The following EPB41L3 variants were observed in gnomAD, a reference collection of about 807,000 sequenced individuals.
EPB41L3 encodes the protein band 4.1-like protein 3.
A neutral mutation model predicts 127.1 loss-of-function variants in EPB41L3; 57 were observed. The ratio of observed to expected loss-of-function variants is 0.45; its 90% CI spans 0.36 to 0.56. EPB41L3 has a LOEUF of 0.56. Among genes scored for constraint, EPB41L3 ranks in the 20% least tolerant of loss-of-function variants. The pLI is 0.00. For synonymous variants in EPB41L3, 572 were observed against 549.5 expected (o/e 1.04, Z -0.57); for missense variants, 1,273 against 1,372.2 (o/e 0.93, Z 1.14).
At chr18:5,575,325 G>A (rs1035084681) in intron 3 of EPB41L3, among the ~76,000 whole-genome samples, 2 of 152,098 alleles carry the variant, frequency 1.3e-5, no homozygotes, top group African/African-American at 4.8e-5. Context: ...CCTAGTGGGA[G>A]GTGTTGGGGT....
chr18:5,572,763 C>A (rs1719986), intron 3 of EPB41L3, among the ~76,000 whole-genome samples: 6 of 152,094 alleles, frequency 3.9e-5, no homozygotes, highest in Admixed American at 2.0e-4. Context: ...TTGTAAAGAC[C>A]GGGTCTTGCT....
intron 16 of EPB41L3, 67 bp from the exon 17 acceptor site, chr18:5,398,210 C>G (rs2073910988): frequency 6.3e-7 from 1 of 1,587,498 alleles, no homozygotes; most frequent in Non-Finnish European, 8.6e-7. Flanking sequence ...CATAAACATT[C>G]ACAGCTTGTT....
At chr18:5,630,070 C>A (rs552869189), upstream of EPB41L3, among the ~76,000 whole-genome samples, 1 of 152,322 alleles carries the variant, frequency 6.6e-6, no homozygotes, top group East Asian at 1.9e-4. Flanking sequence ...CGCCCGGCTT[C>A]CGCGGCAGCT....
chr18:5,540,859 T>G (rs928492430), intron 1 of EPB41L3, among the ~76,000 whole-genome samples: 1 of 151,516 alleles, frequency 6.6e-6, no homozygotes, highest in Non-Finnish European at 1.5e-5. Context: ...CCGAGACGGG[T>G]GGATCACGAG....
intron 3 of EPB41L3, among the ~76,000 whole-genome samples, chr18:5,595,625 T>C (rs773964164): frequency 3.3e-5 from 5 of 152,076 alleles, no homozygotes; most frequent in Non-Finnish European, 7.4e-5. Context: ...GCTCAGAGAG[T>C]AGGATGCATC....
intron 16 of EPB41L3, among the ~76,000 whole-genome samples, chr18:5,402,716 G>C (rs1485441686): frequency 1.3e-5 from 2 of 152,158 alleles, no homozygotes; most frequent in African/African-American, 4.8e-5. Flanking sequence ...TTAGGATATA[G>C]TCAGATATAT....
intron 13 of EPB41L3, among the ~76,000 whole-genome samples, chr18:5,415,081 G>A (rs2076637017): frequency 6.6e-6 from 1 of 152,218 alleles, no homozygotes; most frequent in Non-Finnish European, 1.5e-5. Context: ...TGCTAGCATG[G>A]TGAAATTTCA....
At chr18:5,598,479 A>C (rs1345138877) in intron 3 of EPB41L3, among the ~76,000 whole-genome samples, 1 of 152,184 alleles carries the variant, frequency 6.6e-6, no homozygotes, top group Admixed American at 6.5e-5. Context: ...TGAATTAATA[A>C]ATATTTTAAA....
At chr18:5,451,940 G>A (rs1358477671) in intron 3 of EPB41L3, among the ~76,000 whole-genome samples, 1 of 152,184 alleles carries the variant, frequency 6.6e-6, no homozygotes, top group Admixed American at 6.5e-5. Context: ...CCGGGTCCAA[G>A]TGATTCTCTT....
intron 8 of EPB41L3, among the ~76,000 whole-genome samples, chr18:5,430,857 G>C (rs1050490163): frequency 5.9e-5 from 9 of 151,922 alleles, no homozygotes; most frequent in African/African-American, 2.2e-4. Flanking sequence ...TGCTGGGCCT[G>C]AGAAATCTTT....
At chr18:5,443,985 G>A (rs1004889862) in intron 4 of EPB41L3, 105 bp from the exon 5 acceptor site, 4 of 942,938 alleles carry the variant, frequency 4.2e-6, no homozygotes, top group South Asian at 1.9e-5. Flanking sequence ...GTTAGTGGTC[G>A]TGGGAAGGCT....
At chr18:5,613,471 G>A (rs573493313) in intron 2 of EPB41L3, among the ~76,000 whole-genome samples, 1 of 152,052 alleles carries the variant, frequency 6.6e-6, no homozygotes, top group Admixed American at 6.5e-5. Flanking sequence ...CCTATTTCCC[G>A]TTATCCCCAT....
intron 1 of EPB41L3, among the ~76,000 whole-genome samples, chr18:5,617,571 G>A (rs1268753645): frequency 6.6e-6 from 1 of 152,130 alleles, no homozygotes; most frequent in African/African-American, 2.4e-5. Flanking sequence ...GCCCGCCTCG[G>A]CCTCCCAAAG....
At chr18:5,395,249 C>G in intron 20 of EPB41L3, 102 bp from the exon 21 acceptor site, 1 of 998,498 alleles carries the variant, frequency 1.0e-6, no homozygotes, top group Non-Finnish European at 1.6e-6. Context: ...ATTCACTCTT[C>G]GAGAATTGAA....
rs193130464 is a variant in EPB41L3 at position 5,409,239 on chromosome 18, G to A, written c.2121+1327C>T. ...TTTTTAAGCTTCAAAGCCTACCTAT[G>A]TTATAGGTACTCCCTTGCATGCTTT... On this transcript the variant is annotated intron_variant, in intron 14 of 22. Coordinates refer to ENST00000341928, the MANE Select transcript of EPB41L3 (RefSeq NM_012307.5). Among the ~76,000 whole-genome samples, 26 of 152,250 alleles carry A rather than the reference G, an allele frequency of 1.7e-4. No homozygotes were observed. The Middle Eastern group carries it at 0.017, about 100-fold the overall frequency.
intron 13 of EPB41L3, among the ~76,000 whole-genome samples, chr18:5,412,385 C>T (rs1212762526): frequency 6.6e-6 from 1 of 151,952 alleles, no homozygotes; most frequent in Non-Finnish European, 1.5e-5. Context: ...GCCACCATGC[C>T]TGGCTAATTT....
intron 3 of EPB41L3, among the ~76,000 whole-genome samples, chr18:5,578,823 A>G (rs541295819): frequency 7.0e-4 from 106 of 152,322 alleles, no homozygotes; most frequent in African/African-American, 2.5e-3. Flanking sequence ...AGAGTGAAAA[A>G]CTGGGCAACC....
intron 4 of EPB41L3, among the ~76,000 whole-genome samples, chr18:5,444,840 C>A (rs1256340116): frequency 6.6e-6 from 1 of 152,024 alleles, no homozygotes; most frequent in East Asian, 1.9e-4. Flanking sequence ...CACATTACTC[C>A]CCCCAACCCC....
chr18:5,588,885 T>C (rs1486047850), intron 3 of EPB41L3, among the ~76,000 whole-genome samples: 1 of 151,880 alleles, frequency 6.6e-6, no homozygotes, highest in East Asian at 1.9e-4. Flanking sequence ...CTGAAGACAA[T>C]AAAGAGTAGG....
Sources: gnomAD v4.1 joint callset for allele counts (sites outside exome capture counted in the v4.1 genomes callset) on GRCh38, gnomAD v4.1.1 for gene constraint, MANE v1.5 for transcripts, NCBI Gene and HGNC (gene_info 2026-07-23, HGNC 2026-07-21) for gene names.